Variants in GRID2 observed in about 807,000 individuals in gnomAD.
GRID2 encodes the protein glutamate receptor ionotropic, delta-2.
A neutral mutation model predicts 114.8 loss-of-function variants in GRID2; 33 were observed. The ratio of observed to expected loss-of-function variants is 0.29; its 90% confidence interval spans 0.22 to 0.38. The LOEUF (loss-of-function observed/expected upper bound fraction) is 0.38, where lower values mean the gene tolerates loss of function less well. Ranked by LOEUF, GRID2 falls within the 10% of genes least tolerant of loss-of-function variation. The pLI, the probability that GRID2 is intolerant of heterozygous loss-of-function variation, is 1.00. For synonymous variants in GRID2, 505 were observed against 449.9 expected (o/e 1.12, Z -1.55); for missense variants, 1,184 against 1,257.7 (o/e 0.94, Z 0.89).
At chr4:92,676,224 A>T (rs1487747465) in intron 2 of GRID2, among the ~76,000 whole-genome samples, 4 of 72,430 alleles carry the variant, frequency 5.5e-5, no homozygotes, top group African/African-American at 1.8e-4. Context: ...TCTGTCGCCC[A>T]GGCTGGAGTG....
chr4:93,061,015 A>AT (rs1578875779), intron 2 of GRID2, among the ~76,000 whole-genome samples: 2 of 151,994 alleles, frequency 1.3e-5, no homozygotes, highest in East Asian at 1.9e-4. Flanking sequence ...AGGCAGGAGA[A>AT]TTGCTTGACC....
At position 93,078,067 on chromosome 4, in the gene GRID2, CT is replaced by C. The variant is rs1434986827; in HGVS notation, c.245-6926del. On this transcript the variant is annotated intron_variant, in intron 2 of 15. Transcript: ENST00000282020. ...TTCTTGCCTCTCCCGCCATTCTAAC[CT>C]TGCACCACTCTCTACCATGCTCTTT... Among the ~76,000 whole-genome samples the C allele has an allele frequency of 3.9e-5, 6 of 152,290 alleles. No individual in the cohort carries two copies. The East Asian group carries it at 1.2e-3, about 29-fold the overall frequency.
At chr4:93,366,713 C>T (rs1320847847) in intron 8 of GRID2, among the ~76,000 whole-genome samples, 1 of 152,020 alleles carries the variant, frequency 6.6e-6, no homozygotes, top group Admixed American at 6.6e-5. Context: ...AACCTACCGA[C>T]ATGTGATGTC....
chr4:93,695,096 G>A (rs1054710762), intron 14 of GRID2, among the ~76,000 whole-genome samples: 2 of 151,578 alleles, frequency 1.3e-5, no homozygotes, highest in African/African-American at 4.8e-5. Flanking sequence ...GCTTGAACCC[G>A]GGAGGCGGAA....
intron 2 of GRID2, among the ~76,000 whole-genome samples, chr4:92,898,210 C>G (rs986657300): frequency 6.6e-6 from 1 of 152,080 alleles, no homozygotes; most frequent in Non-Finnish European, 1.5e-5. Flanking sequence ...AAAGAAAAGA[C>G]GCATATCCAT....
intron 1 of GRID2, among the ~76,000 whole-genome samples, chr4:92,480,431 T>A (rs1722527721): frequency 6.6e-6 from 1 of 152,166 alleles, no homozygotes. Context: ...GGTGAGCTTA[T>A]CATCAAGAAC....
intron 2 of GRID2, among the ~76,000 whole-genome samples, chr4:92,628,659 C>T (rs1730644305): frequency 6.6e-6 from 1 of 151,978 alleles, no homozygotes. Flanking sequence ...CGCCAGGCCC[C>T]ACTGTTCTGT....
Position 93,155,030 on chromosome 4 carries a change from G to C in GRID2, c.735+44077G>C, listed in dbSNP as rs560394464. 4.6e-5 allele frequency among the ~76,000 whole-genome samples: 7 copies of C among 151,984 alleles called. No individual in the cohort carries two copies. The East Asian group carries it at 9.7e-4, about 21-fold the overall frequency. On this transcript the variant is annotated intron_variant, in intron 4 of 15. Transcript: ENST00000282020. ...GGGTTCCTACAATTTAATATTTTCA[G>C]ATTACCTACATAGAGGCTCCTTGGT...
intron 1 of GRID2, among the ~76,000 whole-genome samples, chr4:92,543,015 G>A (rs1726061318): frequency 6.6e-6 from 1 of 151,888 alleles, no homozygotes; most frequent in Admixed American, 6.6e-5. Context: ...ACCATGATAG[G>A]CTCATCTTTT....
intron 14 of GRID2, among the ~76,000 whole-genome samples, chr4:93,646,328 G>T (rs1284400316): frequency 6.6e-6 from 1 of 152,116 alleles, no homozygotes; most frequent in Non-Finnish European, 1.5e-5. Context: ...GGAAATTTTG[G>T]AGGAAGAATA....
chr4:92,590,212 T>C lies in GRID2; in HGVS notation c.170T>C (p.Ile57Thr), dbSNP rs777523518. Reference sequence around the variant, plus strand: ...GGTGACCTTAACCAGAATGAGGAGATCTTACAGACTGAGAAAATCACATTT... The same window carrying C: ...GGTGACCTTAACCAGAATGAGGAGACCTTACAGACTGAGAAAATCACATTT... The part of the protein sequence containing the change: ...AVGDLNQNEE[I>T]LQTEKITFSV... The change falls in exon 2 of 16, where the codon ATC (isoleucine) becomes ACC (threonine). Residue 57 changes from isoleucine to threonine, a missense_variant. Physicochemically the swap from Ile to Thr is moderately conservative, Grantham distance 89 (BLOSUM62 -1). Around this residue, in one of 3 missense-constraint regions of GRID2, gnomAD observed 455 missense variants for 429.5 expected, o/e 1.06. Coordinates refer to ENST00000282020, the MANE Select transcript of GRID2 (RefSeq NM_001510.4). The C allele has an allele frequency of 1.1e-5, 18 of 1,611,868 alleles. No individual in the cohort carries two copies. The South Asian group carries it at 1.9e-4, about 17-fold the overall frequency.
intron 2 of GRID2, among the ~76,000 whole-genome samples, chr4:92,768,534 G>A (rs1738378092): frequency 6.6e-6 from 1 of 152,144 alleles, no homozygotes; most frequent in African/African-American, 2.4e-5. Flanking sequence ...ATAGCAGTGG[G>A]CATTATCCTG....
intron 1 of GRID2, among the ~76,000 whole-genome samples, chr4:92,390,736 T>C (rs772774098): frequency 7.2e-5 from 11 of 152,172 alleles, no homozygotes; most frequent in Non-Finnish European, 1.5e-4. Flanking sequence ...GTTTCAGGTT[T>C]TACTCAACAT....
intron 2 of GRID2, among the ~76,000 whole-genome samples, chr4:92,626,109 A>G (rs1230561886): frequency 6.6e-6 from 1 of 152,028 alleles, no homozygotes; most frequent in African/African-American, 2.4e-5. Context: ...TCAGCAAAAT[A>G]AGTAACTCAA....
At chr4:93,621,572 C>T (rs17356939) in intron 13 of GRID2, among the ~76,000 whole-genome samples, 18,342 of 152,168 alleles carry the variant, frequency 0.12, 1,156 homozygotes, top group Middle Eastern at 0.14. Context: ...AAGAAAACTC[C>T]ATTACCTAGT....
chr4:92,777,284 T>C (rs1204771079), intron 2 of GRID2, among the ~76,000 whole-genome samples: 1 of 152,102 alleles, frequency 6.6e-6, no homozygotes, highest in Non-Finnish European at 1.5e-5. Flanking sequence ...AAATACTATA[T>C]ACTATGTAAT....
At chr4:93,495,321 T>G (rs1580243855) in intron 12 of GRID2, among the ~76,000 whole-genome samples, 1 of 97,748 alleles carries the variant, frequency 1.0e-5, no homozygotes, top group East Asian at 2.5e-4. Flanking sequence ...ATAACAGGAT[T>G]TTTGCCATCA....
At chr4:92,833,711 T>C (rs1292163033) in intron 2 of GRID2, 1 of 152,242 alleles carries the variant, frequency 6.6e-6, no homozygotes, top group East Asian at 1.9e-4. Context: ...TTTTTATTAA[T>C]AGCATAGTGA....
At position 92,619,736 on chromosome 4, in the gene GRID2, C is replaced by G. The variant is rs151006938; in HGVS notation, c.244+29450C>G. 7.2e-5 allele frequency among the ~76,000 whole-genome samples: 11 copies of G among 151,778 alleles called. No individual in the cohort carries two copies. The East Asian group carries it at 2.1e-3, about 30-fold the overall frequency. Reference sequence around the variant, plus strand: ...TGATGTTCAGTATTTTCAGTATTTGCTATTAAATAAGTGATTTCCAATTTG... The same window carrying G: ...TGATGTTCAGTATTTTCAGTATTTGGTATTAAATAAGTGATTTCCAATTTG... On this transcript the variant is annotated intron_variant, in intron 2 of 15. Transcript: ENST00000282020.
Sources: allele counts gnomAD v4.1 joint callset (sites outside exome capture counted in the v4.1 genomes callset), GRCh38; gene constraint gnomAD v4.1.1; regional missense constraint gnomAD v4.1.1; transcripts MANE v1.5; gene names NCBI Gene and HGNC (gene_info 2026-07-23, HGNC 2026-07-21).